PRKCH: variants seen among roughly 807,000 people sequenced by gnomAD.
PRKCH encodes protein kinase C eta type.
In PRKCH, 28 loss-of-function variants were observed where a neutral mutation model predicts 82.5. The observed-to-expected ratio is 0.34, with a 90% confidence interval of 0.25 to 0.47. The LOEUF is 0.47. PRKCH is among the 20% of genes least tolerant of loss of function. The pLI is 1.00. For missense variants in PRKCH, 705 were observed against 881.8 expected (o/e 0.80, Z 2.54); for synonymous variants, 322 against 327.4 (o/e 0.98, Z 0.18).
chr14:61,316,753 TAG>T (rs1213567168), upstream of PRKCH, among the ~76,000 whole-genome samples: 5 of 152,186 alleles, frequency 3.3e-5, no homozygotes, highest in Admixed American at 6.5e-5. Context: ...TGGAGACAAT[TAG>T]AGTTTTCCTG....
chr14:61,236,914 A>G (rs1007621283), intron 1 of PRKCH, among the ~76,000 whole-genome samples: 4 of 152,136 alleles, frequency 2.6e-5, no homozygotes, highest in African/African-American at 9.7e-5. Flanking sequence ...ATTGTTTATC[A>G]TCAAGGAATA....
At chr14:61,437,632 A>G (rs758466845) in intron 2 of PRKCH, among the ~76,000 whole-genome samples, 2 of 152,110 alleles carry the variant, frequency 1.3e-5, no homozygotes, top group Non-Finnish European at 2.9e-5. Context: ...CTTTCTAGGG[A>G]TACCAGGAGA....
At chr14:61,440,365 G>A (rs1883898698) in intron 2 of PRKCH, among the ~76,000 whole-genome samples, 2 of 152,128 alleles carry the variant, frequency 1.3e-5, no homozygotes, top group Non-Finnish European at 2.9e-5. Flanking sequence ...AGACATATGG[G>A]AAACTTAAGA....
At chr14:61,263,667 A>G (rs1002174186) in intron 1 of PRKCH, among the ~76,000 whole-genome samples, 2 of 152,094 alleles carry the variant, frequency 1.3e-5, no homozygotes, top group African/African-American at 4.8e-5. Context: ...ATATATAAGC[A>G]TAAATGTCTC....
At position 61,228,386 on chromosome 14, in the gene PRKCH, G is replaced by A. The variant is rs147125185; in HGVS notation, c.-19+40718G>A. 2.6e-5 allele frequency among the ~76,000 whole-genome samples: 4 copies of A among 152,286 alleles called. No individual in the cohort carries two copies. In the East Asian group the frequency reaches 7.7e-4, roughly 29 times the overall value. Reference sequence around the variant, plus strand: ...TATAGGAGCTTTTTGCTGACAGCACGGAACCTGAGCCCTCCTCCCTCCTCA... The same window carrying A: ...TATAGGAGCTTTTTGCTGACAGCACAGAACCTGAGCCCTCCTCCCTCCTCA... On this transcript the variant is annotated intron_variant, in intron 1 of 3. Coordinates refer to the PRKCH transcript ENST00000555185.
At chr14:61,323,506 C>T (rs575114017) in intron 1 of PRKCH, among the ~76,000 whole-genome samples, 1 of 152,218 alleles carries the variant, frequency 6.6e-6, no homozygotes, top group Admixed American at 6.5e-5. Flanking sequence ...GTTTTGAACC[C>T]AATATCAGTA....
chr14:61,373,640 A>G (rs2046392453), intron 1 of PRKCH, among the ~76,000 whole-genome samples: 1 of 152,026 alleles, frequency 6.6e-6, no homozygotes, highest in South Asian at 2.1e-4. Flanking sequence ...TCAGTCTGTC[A>G]CCCAGGCTGG....
chr14:61,272,121 G>A (rs1240250984), intron 1 of PRKCH, among the ~76,000 whole-genome samples: 1 of 151,656 alleles, frequency 6.6e-6, no homozygotes, highest in Non-Finnish European at 1.5e-5. Flanking sequence ...CCAGCTACTC[G>A]GGAGGCTGAG....
At chr14:61,297,201 T>G (rs1238962352) in intron 1 of PRKCH, among the ~76,000 whole-genome samples, 1 of 152,226 alleles carries the variant, frequency 6.6e-6, no homozygotes, top group East Asian at 1.9e-4. Context: ...TTAGTTAATA[T>G]TTTCATGCTA....
chr14:61,358,307 T>C (rs2046178513), intron 1 of PRKCH, among the ~76,000 whole-genome samples: 1 of 152,192 alleles, frequency 6.6e-6, no homozygotes, highest in African/African-American at 2.4e-5. Flanking sequence ...TGCTGTTCTC[T>C]TTCAGTTTCC....
intron 6 of PRKCH, among the ~76,000 whole-genome samples, 187 bp downstream of exon 6, chr14:61,451,158 A>G (rs1884491859): frequency 6.6e-6 from 1 of 152,208 alleles, no homozygotes; most frequent in Non-Finnish European, 1.5e-5. Context: ...ATCTGATGCC[A>G]ACATTTTCTA....
intron 12 of PRKCH, among the ~76,000 whole-genome samples, chr14:61,540,466 T>C (rs2043168863): frequency 6.6e-6 from 1 of 152,054 alleles, no homozygotes; most frequent in East Asian, 1.9e-4. Flanking sequence ...AAGGCCTGAG[T>C]TCAAATCCTG....
chr14:61,510,421 G>A (rs1389645602), intron 10 of PRKCH, among the ~76,000 whole-genome samples: 7 of 152,016 alleles, frequency 4.6e-5, no homozygotes, highest in Admixed American at 1.3e-4. Context: ...GAAGAGAAAG[G>A]AAAAGAGGAG....
chr14:61,247,131 T>C (rs902726195), intron 1 of PRKCH, among the ~76,000 whole-genome samples: 9 of 152,198 alleles, frequency 5.9e-5, no homozygotes, highest in African/African-American at 1.7e-4. Context: ...GTCCTATTCA[T>C]TGAATAATCA....
chr14:61,257,639 A>ACG, intron 1 of PRKCH, among the ~76,000 whole-genome samples: 1 of 150,440 alleles, frequency 6.6e-6, no homozygotes, highest in African/African-American at 2.5e-5. Context: ...ACCCCCACAC[A>ACG]CACACACACA....
chr14:61,192,917 G>T (rs925147589), intron 1 of PRKCH, among the ~76,000 whole-genome samples: 1 of 152,216 alleles, frequency 6.6e-6, no homozygotes, highest in Admixed American at 6.5e-5. Context: ...ACTGGGATGT[G>T]AAGAGTCTCT....
At chr14:61,405,246 A>G (rs1189127722) in intron 2 of PRKCH, among the ~76,000 whole-genome samples, 1 of 152,252 alleles carries the variant, frequency 6.6e-6, no homozygotes, top group African/African-American at 2.4e-5. Context: ...ATCTATAACA[A>G]GTCCATGCAC....
At chr14:61,273,889 A>C (rs912867754) in intron 1 of PRKCH, among the ~76,000 whole-genome samples, 2 of 152,194 alleles carry the variant, frequency 1.3e-5, no homozygotes, top group Admixed American at 1.3e-4. Context: ...TTGGTTTCCT[A>C]GTTGTCATTC....
At chr14:61,447,372 A>G (rs1364259269) in intron 4 of PRKCH, among the ~76,000 whole-genome samples, 1 of 152,226 alleles carries the variant, frequency 6.6e-6, no homozygotes, top group African/African-American at 2.4e-5. Context: ...ATATCTCAGT[A>G]ATTGATAGAT....
Sources: allele counts gnomAD v4.1 joint callset (sites outside exome capture counted in the v4.1 genomes callset), GRCh38; gene constraint gnomAD v4.1.1; transcripts MANE v1.5; gene names NCBI Gene and HGNC (gene_info 2026-07-23, HGNC 2026-07-21).